Variants in LUZP2 observed in about 807,000 individuals in gnomAD.
The protein encoded by LUZP2 is leucine zipper protein 2.
Under a neutral mutation model 51.6 loss-of-function variants are expected in LUZP2, and 52 were observed. The observed-to-expected ratio is 1.01, with a 90% CI of 0.81 to 1.27. The LOEUF is 1.27. Ranked by LOEUF, LUZP2 falls within the 50% of genes most tolerant of loss-of-function variation. The probability of loss-of-function intolerance (pLI) is 0.00; values close to 1 mark genes in which losing one functional copy is unlikely to be tolerated. For synonymous variants in LUZP2, 154 were observed against 137.3 expected (o/e 1.12, Z -0.85); for missense variants, 436 against 395.4 (o/e 1.10, Z -0.87).
At chr11:24,920,013 T>G (rs780976728) in intron 7 of LUZP2, among the ~76,000 whole-genome samples, 9 of 151,852 alleles carry the variant, frequency 5.9e-5, no homozygotes, top group African/African-American at 9.7e-5. Flanking sequence ...GATTATAAAG[T>G]AAAATGATTA....
chr11:24,915,134 A>C (rs1853752670), intron 7 of LUZP2, among the ~76,000 whole-genome samples: 1 of 152,128 alleles, frequency 6.6e-6, no homozygotes, highest in Non-Finnish European at 1.5e-5. Context: ...GAGACTATGA[A>C]GTTGCATGAA....
chr11:24,600,040 G>T (rs1375287024), intron 1 of LUZP2, among the ~76,000 whole-genome samples: 3 of 151,972 alleles, frequency 2.0e-5, no homozygotes, highest in Non-Finnish European at 4.4e-5. Context: ...CCTAACACCT[G>T]GTACCTGTGA....
chr11:24,753,862 G>A lies in LUZP2; in HGVS notation c.334-9384G>A, dbSNP rs374206316. Among the ~76,000 whole-genome samples the A allele has an allele frequency of 2.0e-5, 3 of 152,130 alleles. No individual in the cohort carries two copies. The East Asian group carries it at 5.8e-4, about 29-fold the overall frequency. On this transcript the variant is annotated intron_variant, in intron 4 of 11. Coordinates refer to ENST00000336930, the MANE Select transcript of LUZP2 (RefSeq NM_001009909.4). ...CATTACCCCAGACAATGCCACGGATGGGTTTCTCATTGTAATCTTTTAAAA... is the reference window on the plus strand; with the variant it reads ...CATTACCCCAGACAATGCCACGGATAGGTTTCTCATTGTAATCTTTTAAAA...
At chr11:24,669,691 G>C (rs892169725) in intron 1 of LUZP2, among the ~76,000 whole-genome samples, 2 of 151,922 alleles carry the variant, frequency 1.3e-5, no homozygotes, top group Non-Finnish European at 2.9e-5. Flanking sequence ...AAACTTCATT[G>C]GTTTTCTTGA....
chr11:24,878,948 C>T (rs889007676), intron 5 of LUZP2, among the ~76,000 whole-genome samples: 1 of 146,526 alleles, frequency 6.8e-6, no homozygotes, highest in African/African-American at 2.5e-5. Context: ...AAGACATGAT[C>T]TAATTTATTT....
chr11:24,662,677 T>C (rs1203322054), intron 1 of LUZP2, among the ~76,000 whole-genome samples: 1 of 152,072 alleles, frequency 6.6e-6, no homozygotes, highest in African/African-American at 2.4e-5. Context: ...CTAAGCAAGA[T>C]GATGATTATG....
At chr11:24,938,232 T>C (rs967925816) in intron 7 of LUZP2, among the ~76,000 whole-genome samples, 43 of 152,140 alleles carry the variant, frequency 2.8e-4, no homozygotes, top group Non-Finnish European at 5.7e-4. Context: ...ACATTTTTTT[T>C]CTAATAAAGT....
chr11:25,026,349 A>G (rs1857492212), intron 9 of LUZP2, among the ~76,000 whole-genome samples: 1 of 152,176 alleles, frequency 6.6e-6, no homozygotes, highest in African/African-American at 2.4e-5. Context: ...AAGTTATAAC[A>G]GAAAATTTTG....
At chr11:24,530,920 A>T in intron 1 of LUZP2, among the ~76,000 whole-genome samples, 1 of 149,172 alleles carries the variant, frequency 6.7e-6, no homozygotes, top group African/African-American at 2.4e-5. Flanking sequence ...TTCTTAGTTG[A>T]ATTAATCCAA....
chr11:24,842,719 C>T (rs1447628455), intron 5 of LUZP2, among the ~76,000 whole-genome samples: 1 of 151,854 alleles, frequency 6.6e-6, no homozygotes, highest in Non-Finnish European at 1.5e-5. Flanking sequence ...ATTACCTAAA[C>T]TTAACTATAA....
At chr11:24,533,941 T>C (rs1406702583) in intron 1 of LUZP2, among the ~76,000 whole-genome samples, 2 of 151,334 alleles carry the variant, frequency 1.3e-5, no homozygotes, top group African/African-American at 4.8e-5. Context: ...TGCTGCACTG[T>C]GTTGTGAAAG....
chr11:24,564,578 C>T (rs1852155707), intron 1 of LUZP2, among the ~76,000 whole-genome samples: 2 of 152,068 alleles, frequency 1.3e-5, no homozygotes, highest in African/African-American at 4.8e-5. Context: ...AAGAACAGCA[C>T]ATTTGTATGC....
At chr11:24,962,139 C>A (rs1199396578) in intron 7 of LUZP2, among the ~76,000 whole-genome samples, 2 of 152,092 alleles carry the variant, frequency 1.3e-5, no homozygotes, top group African/African-American at 4.8e-5. Context: ...ATGGGCTTCC[C>A]TTTGTGGGTA....
chr11:25,024,906 C>T (rs1857441792), intron 9 of LUZP2, among the ~76,000 whole-genome samples: 1 of 150,052 alleles, frequency 6.7e-6, no homozygotes, highest in Non-Finnish European at 1.5e-5. Context: ...TACTACAAGG[C>T]TACAATAACC....
intron 9 of LUZP2, among the ~76,000 whole-genome samples, chr11:24,998,106 C>CTT (rs1856563335): frequency 6.6e-6 from 1 of 152,078 alleles, no homozygotes; most frequent in South Asian, 2.1e-4. Context: ...GATGCGGGCT[C>CTT]TGTTTCGGTT....
At chr11:24,998,128 T>C (rs983169755) in intron 9 of LUZP2, among the ~76,000 whole-genome samples, 5 of 152,118 alleles carry the variant, frequency 3.3e-5, no homozygotes, top group African/African-American at 1.2e-4. Flanking sequence ...CATATGAACT[T>C]TAAGGTAGTT....
At chr11:24,764,489 CTAAAAA>C (rs1860106930) in intron 5 of LUZP2, among the ~76,000 whole-genome samples, 2 of 56,420 alleles carry the variant, frequency 3.5e-5, no homozygotes, top group Admixed American at 2.1e-4. Context: ...AATCTCATCT[CTAAAAA>C]AAAAAAAAAA....
intron 1 of LUZP2, among the ~76,000 whole-genome samples, chr11:24,706,827 A>G (rs936511809): frequency 6.6e-6 from 1 of 151,656 alleles, no homozygotes; most frequent in Non-Finnish European, 1.5e-5. Flanking sequence ...TTTATTTTTT[A>G]TTCCCTTTTC....
At chr11:25,002,688 G>A (rs1856720594) in intron 9 of LUZP2, among the ~76,000 whole-genome samples, 1 of 152,190 alleles carries the variant, frequency 6.6e-6, no homozygotes, top group South Asian at 2.1e-4. Flanking sequence ...GTCACTGGTT[G>A]TGGGGTTGTC....
Sources: gnomAD v4.1 joint callset for allele counts (sites outside exome capture counted in the v4.1 genomes callset) on GRCh38, gnomAD v4.1.1 for gene constraint, MANE v1.5 for transcripts, NCBI Gene and HGNC (gene_info 2026-07-23, HGNC 2026-07-21) for gene names.